PRAMEF14: variants seen among roughly 807,000 people sequenced by gnomAD.
PRAMEF14 encodes the protein PRAME family member 14.
A neutral mutation model predicts 38.3 loss-of-function variants in PRAMEF14; 24 were observed. That is an observed-to-expected ratio of 0.63 (90% CI 0.45 to 0.88). The LOEUF is 0.88. PRAMEF14 is among the 40% of genes least tolerant of loss of function. The probability of loss-of-function intolerance (pLI) is 0.00; values close to 1 mark genes in which losing one functional copy is unlikely to be tolerated. For missense variants in PRAMEF14, 477 were observed against 570.8 expected (o/e 0.84, Z 1.67); for synonymous variants, 194 against 226.4 (o/e 0.86, Z 1.29).
chr1:13,342,335 G>C lies in PRAMEF14; in HGVS notation c.*193C>G. 2 of 1,088,854 alleles carry C rather than the reference G, an allele frequency of 1.8e-6. No individual in the cohort carries two copies. Among genetic ancestry groups the C allele is most frequent in the Non-Finnish European group, 2.5e-6 (2 of 786,062 alleles). The allele number at this position is 1,088,854 out of a possible 1,614,324, so 67.4% of individuals were successfully genotyped here. On this transcript the variant is annotated 3_prime_UTR_variant, in exon 4 of 4. Coordinates refer to ENST00000334600, the MANE Select transcript of PRAMEF14 (RefSeq NM_001024661.2). ...GAGGCAGGAGGATCCCATAAGCCCA[G>C]CTGAGGCAGGAGGATCCCAGAGCAA... is the stretch of plus-strand genomic sequence containing the variant.
At position 13,344,070 on chromosome 1, in the gene PRAMEF14, G is replaced by T; in HGVS notation, c.834C>A (p.Thr278=). 1 of 1,608,828 alleles carries T rather than the reference G, an allele frequency of 6.2e-7. No homozygotes were observed. Among genetic ancestry groups the T allele is most frequent in the South Asian group, 1.1e-5 (1 of 90,740 alleles). Residue 278 remains threonine (T), a synonymous_variant, in exon 3 of 4, where the codon ACC becomes ACA. Transcript: ENST00000334600. The part of the protein sequence containing the change: ...HLQLLKIKLI[T]FFSGHLEQLI... ...GCTGTTCCAGGTGCCCACTGAAGAAGGTGATCAATTTTATTTTAAGCAACT... is the reference window on the plus strand; with the variant it reads ...GCTGTTCCAGGTGCCCACTGAAGAATGTGATCAATTTTATTTTAAGCAACT...
Position 13,342,721 on chromosome 1 carries a change from G to T in PRAMEF14, c.1232C>A (p.Thr411Lys). The change falls in exon 4 of 4, where the codon ACG becomes AAG. Residue 411 changes from threonine (T) to lysine (K), a missense_variant. Thr to Lys is a moderately conservative substitution (Grantham distance 78, BLOSUM62 -1). Around this residue, in one of 4 missense-constraint regions of PRAMEF14, gnomAD observed 151 missense variants for 137.4 expected, o/e 1.10. Coordinates refer to ENST00000334600, the MANE Select transcript of PRAMEF14 (RefSeq NM_001024661.2). ...CAAACTCTCCTCAGGGGCAGGATAC[G>T]TCTCCAGGCTTAACTTGCTCAGCCC... is the stretch of plus-strand genomic sequence containing the variant. ...TSGLSKLSLE[T>K]YPAPEESLNS... The T allele has an allele frequency of 6.2e-7, 1 of 1,605,186 alleles. No individual in the cohort carries two copies. The highest frequency in any genetic ancestry group is 8.5e-7 in the Non-Finnish European group (1 of 1,178,002).
chr1:13,345,820 A>C (rs2100354644), intron 1 of PRAMEF14, among the ~76,000 whole-genome samples: 1 of 152,092 alleles, frequency 6.6e-6, no homozygotes, highest in African/African-American at 2.4e-5. Flanking sequence ...CCTGGCCTAC[A>C]TAATGAAACG....
chr1:13,344,377 C>A lies in PRAMEF14; in HGVS notation c.527G>T (p.Gly176Val). Residue 176 changes from glycine to valine, a missense_variant, in exon 3 of 4, where the codon GGT (glycine) becomes GTT (valine). By Grantham distance (109) the Gly-to-Val change is moderately radical (BLOSUM62 -3). Transcript: ENST00000334600. ...YLFQWVYQRR[G>V]LVHLCCSKLV... ...CTTACTACAGCACAGGTGTACTAAACCTCTCCTTTGGTAAACCCACTGAAA... is the reference window on the plus strand; with the variant it reads ...CTTACTACAGCACAGGTGTACTAAAACTCTCCTTTGGTAAACCCACTGAAA... The A allele has an allele frequency of 1.9e-6, 3 of 1,605,562 alleles. No homozygotes were observed. The highest frequency in any genetic ancestry group is 2.5e-6 in the Non-Finnish European group (3 of 1,177,206).
Position 13,342,845 on chromosome 1 carries a change from G to A in PRAMEF14, c.1108C>T (p.Leu370=), listed in dbSNP as rs1435612144. 5 of 1,608,874 alleles carry A rather than the reference G, an allele frequency of 3.1e-6. 1 individual carries two copies. The Admixed American group carries it at 6.7e-5, about 22-fold the overall frequency. Residue 370 remains leucine (L), a synonymous_variant, in exon 4 of 4, where the codon CTG becomes TTG. Transcript: ENST00000334600. ...QIHYSQLSAI[L]PGLSHCSQLT... ...TGGGAGCAGTGGCTCAGGCCAGGCA[G>A]GATGGCACTGAGTTGGGAGTAGTGG...
At position 13,347,077 on chromosome 1, in the gene PRAMEF14, A is replaced by C. The variant is rs1352414383; in HGVS notation, c.-46T>G. On this transcript the variant is annotated 5_prime_UTR_variant, in exon 1 of 4. Transcript: ENST00000334600. Reference sequence around the variant, plus strand: ...CTTACCAGCGCTGGACTCACTTTGCAGAGTTCTGGGACCTCTCAGGGAACC... The same window carrying C: ...CTTACCAGCGCTGGACTCACTTTGCCGAGTTCTGGGACCTCTCAGGGAACC... The C allele has an allele frequency of 2.0e-5, 3 of 150,296 alleles. No individual in the cohort carries two copies. Among genetic ancestry groups the C allele is most frequent in the Non-Finnish European group, 3.0e-5 (2 of 67,612 alleles). 9.3% of individuals were successfully genotyped at this position (150,296 alleles called of 1,614,324 possible).
Position 13,344,042 on chromosome 1 carries a change from T to C in PRAMEF14, c.862A>G (p.Ile288Val). 5.6e-6 allele frequency: 9 copies of C among 1,608,588 alleles called. No individual in the cohort carries two copies. The highest frequency in any genetic ancestry group is 7.6e-6 in the Non-Finnish European group (9 of 1,178,604). Residue 288 changes from isoleucine (I) to valine (V), a missense_variant, in exon 3 of 4, where the codon ATC becomes GTC. Physicochemically the swap from Ile to Val is conservative, Grantham distance 29. Coordinates refer to ENST00000334600, the MANE Select transcript of PRAMEF14 (RefSeq NM_001024661.2). ...TFFSGHLEQL[I>V]RCLQNPLENL... ...AAGTGCATGATCCTTCCTCACCTGA[T>C]CAGCTGTTCCAGGTGCCCACTGAAG...
rs562539015 is a variant in PRAMEF14 at position 13,342,511 on chromosome 1, C to A, written c.*17G>T. 45 of 1,604,956 alleles carry A rather than the reference C, an allele frequency of 2.8e-5. 1 individual carries two copies. The highest frequency in any genetic ancestry group is 4.5e-4 in the Middle Eastern group (2 of 4,420). ...AAGAGAACTTTGGATTTCTCTACCC[C>A]GCTAGGCACGCCTTCCCTAGCAGCA... On this transcript the variant is annotated 3_prime_UTR_variant, in exon 4 of 4. Transcript: ENST00000334600.
At chr1:13,345,832 T>C (rs1303950841) in intron 1 of PRAMEF14, among the ~76,000 whole-genome samples, 4 of 151,980 alleles carry the variant, frequency 2.6e-5, no homozygotes, top group Admixed American at 2.0e-4. Flanking sequence ...AATGAAACGA[T>C]GTCTCTACTA....
rs150010585 is a variant in PRAMEF14, at chr1:13,346,227, G to C, written c.-26+830C>G. ...GGTATGTATAGAAATGCTAACTGTA[G>C]CTGGGCGCGGTGGCTCACTCCTGTA... is the stretch of plus-strand genomic sequence containing the variant. On this transcript the variant is annotated intron_variant, in intron 1 of 3. Transcript: ENST00000334600. Among the ~76,000 whole-genome samples the C allele has an allele frequency of 2.6e-3, 377 of 143,940 alleles. 1 individual carries two copies. The highest frequency in any genetic ancestry group is 0.017 in the East Asian group (62 of 3,754). The allele number at this position is 143,940 out of a possible 152,430, so 94.4% of individuals were successfully genotyped here.
At chr1:13,343,858 G>T (rs1427200553) in intron 3 of PRAMEF14, 180 bp downstream of exon 3, 7 of 1,506,066 alleles carry the variant, frequency 4.6e-6, no homozygotes, top group Non-Finnish European at 5.3e-6. Context: ...TTATTGGAGC[G>T]TTCCTGTGAT....
At chr1:13,345,926 G>T (rs1640397072) in intron 1 of PRAMEF14, among the ~76,000 whole-genome samples, 1 of 151,518 alleles carries the variant, frequency 6.6e-6, no homozygotes, top group African/African-American at 2.4e-5. Context: ...TCCAGCCTGG[G>T]TGACAGAGTT....
Position 13,344,279 on chromosome 1 carries a change from G to T in PRAMEF14, c.625C>A (p.Gln209Lys). 6.2e-7 allele frequency: 1 copy of T among 1,604,858 alleles called. No individual in the cohort carries two copies. The highest frequency in any genetic ancestry group is 8.5e-7 in the Non-Finnish European group (1 of 1,176,514). The change falls in exon 3 of 4, where the codon CAG (glutamine) becomes AAG (lysine). Residue 209 changes from glutamine (Q) to lysine (K), a missense_variant. By Grantham distance (53) the Gln-to-Lys change is moderately conservative. This residue lies in a region of PRAMEF14 where 234 missense variants were observed against 247.4 expected (regional missense o/e 0.95). Transcript: ENST00000334600. ...LKIIYLNSIQQLEIRNMSWPR... is the reference protein window; with the variant it reads ...LKIIYLNSIQKLEIRNMSWPR... ...CAGGACATGTTGCGAATTTCCAGCTGTTGAATACTATTCAGGTATATTATT... is the reference window on the plus strand; with the variant it reads ...CAGGACATGTTGCGAATTTCCAGCTTTTGAATACTATTCAGGTATATTATT...
At chr1:13,343,723 T>C (rs1451295222) in intron 3 of PRAMEF14, 1 of 1,342,828 alleles carries the variant, frequency 7.4e-7, no homozygotes, top group Non-Finnish European at 9.8e-7. Flanking sequence ...TGACATCATA[T>C]CAACTTGAAA....
At position 13,347,111 on chromosome 1, in the gene PRAMEF14, G is replaced by A. The variant is rs1484418895; in HGVS notation, c.-80C>T. 1 of 148,216 alleles carries A rather than the reference G, an allele frequency of 6.7e-6. No homozygotes were observed. Among genetic ancestry groups the A allele is most frequent in the African/African-American group, 2.4e-5 (1 of 41,046 alleles). The allele number at this position is 148,216 out of a possible 1,614,324, so 9.2% of individuals were successfully genotyped here. A position where few individuals can be genotyped will look rare whatever the true frequency, so the allele number is the denominator to read the frequency against. ...GGACCTCTCAGGGAACCAAGCAGTAGCTCCAGGAATGAGTGCTGTGGGTCT... is the reference window on the plus strand; with the variant it reads ...GGACCTCTCAGGGAACCAAGCAGTAACTCCAGGAATGAGTGCTGTGGGTCT... On this transcript the variant is annotated 5_prime_UTR_variant, in exon 1 of 4. Coordinates refer to ENST00000334600, the MANE Select transcript of PRAMEF14 (RefSeq NM_001024661.2).
intron 1 of PRAMEF14, among the ~76,000 whole-genome samples, chr1:13,346,856 T>A (rs1640410667): frequency 6.6e-6 from 1 of 150,492 alleles, no homozygotes; most frequent in Admixed American, 6.6e-5. Flanking sequence ...ATAAGAATTT[T>A]AAAATGACAA....
In PRAMEF14 at chr1:13,343,074, G is replaced by T. The variant is rs1640352850; in HGVS notation, c.879C>A (p.Asn293Lys). The T allele has an allele frequency of 6.2e-7, 1 of 1,611,390 alleles. No homozygotes were observed. The highest frequency in any genetic ancestry group is 1.1e-5 in the South Asian group (1 of 90,882). ...HLEQLIRCLQNPLENLELTYG... is the reference protein window; with the variant it reads ...HLEQLIRCLQKPLENLELTYG... ...AAGTTAATTCCAAGTTCTCCAAGGG[G>T]TTCTGGAGGCACCTGTGGAGATCAA... The change falls in exon 4 of 4, where the codon AAC becomes AAA. Residue 293 changes from asparagine (N) to lysine (K), a missense_variant. By Grantham distance (94) the Asn-to-Lys change is moderately conservative. Around this residue, in one of 4 missense-constraint regions of PRAMEF14, gnomAD observed 234 missense variants for 247.4 expected, o/e 0.95. Coordinates refer to ENST00000334600, the MANE Select transcript of PRAMEF14 (RefSeq NM_001024661.2).
At position 13,344,029 on chromosome 1, in the gene PRAMEF14, C is replaced by A; in HGVS notation, c.866+9G>T. The A allele has an allele frequency of 6.2e-7, 1 of 1,608,232 alleles. No individual in the cohort carries two copies. Among genetic ancestry groups the A allele is most frequent in the Non-Finnish European group, 8.5e-7 (1 of 1,178,474 alleles). On this transcript the variant is annotated intron_variant, in intron 3 of 3. Transcript: ENST00000334600. ...TGGTCTGCATATAAAGTGCATGATC[C>A]TTCCTCACCTGATCAGCTGTTCCAG...
Position 13,342,849 on chromosome 1 carries a change from G to A in PRAMEF14, c.1104C>T (p.Ala368=). The change falls in exon 4 of 4, where the codon GCC becomes GCT. Residue 368 remains alanine, a synonymous_variant. Coordinates refer to ENST00000334600, the MANE Select transcript of PRAMEF14 (RefSeq NM_001024661.2). ...GCQIHYSQLS[A]ILPGLSHCSQ... is the part of the protein sequence containing the mutation. The stretch of plus-strand genomic sequence containing the variant: ...AGCAGTGGCTCAGGCCAGGCAGGAT[G>A]GCACTGAGTTGGGAGTAGTGGATCT... 3.7e-6 allele frequency: 6 copies of A among 1,609,034 alleles called. No homozygotes were observed. The highest frequency in any genetic ancestry group is 5.1e-6 in the Non-Finnish European group (6 of 1,179,272).
Sources: allele counts gnomAD v4.1 joint callset (sites outside exome capture counted in the v4.1 genomes callset), GRCh38; gene constraint gnomAD v4.1.1; regional missense constraint gnomAD v4.1.1; transcripts MANE v1.5; gene names NCBI Gene and HGNC (gene_info 2026-07-23, HGNC 2026-07-21).